The following RTN2 variants were observed in gnomAD, a reference collection of about 807,000 sequenced individuals.
The protein encoded by RTN2 is reticulon 2.
In RTN2, 36 loss-of-function variants were observed where a neutral mutation model predicts 63.7. The ratio of observed to expected loss-of-function variants is 0.56; its 90% CI spans 0.43 to 0.75. The LOEUF is 0.75. Ranked by LOEUF, RTN2 falls within the 30% of genes least tolerant of loss-of-function variation. The pLI, the probability that RTN2 is intolerant of heterozygous loss-of-function variation, is 0.00. For synonymous variants in RTN2, 312 were observed against 313.0 expected, an observed-to-expected ratio of 1.00 and a Z score of 0.03; for missense variants, 673 against 705.1, an observed-to-expected ratio of 0.95 and a Z score of 0.52.
At chr19:45,489,599 G>A in intron 5 of RTN2, 46 bp from the exon 6 acceptor site, 2 of 1,419,224 alleles carry the variant, frequency 1.4e-6, no homozygotes, top group African/African-American at 1.4e-5. Context: ...GACCTGGCTG[G>A]TCTCCTCACC....
chr19:45,493,012 A>C (rs1968193216), intron 5 of RTN2, 148 bp downstream of exon 5: 1 of 838,996 alleles, frequency 1.2e-6, no homozygotes, highest in Admixed American at 2.1e-5. Flanking sequence ...GGTCCTCCCT[A>C]TACTGCCCCT....
At position 45,488,893 on chromosome 19, in the gene RTN2, C is replaced by T; in HGVS notation, c.1335G>A (p.Gln445=). ...ITSRVVSAAT[Q]LRHFFLVEDL... is the part of the protein sequence containing the mutation. Reference sequence around the variant, plus strand: ...CTTCTACCAGGAAGAAGTGCCGCAGCTGCGTGGCCGCCGAGACCACGCGGG... The same window carrying T: ...CTTCTACCAGGAAGAAGTGCCGCAGTTGCGTGGCCGCCGAGACCACGCGGG... Residue 445 remains glutamine, a synonymous_variant, in exon 7 of 11, where the codon CAG becomes CAA. Coordinates refer to ENST00000245923, the MANE Select transcript of RTN2 (RefSeq NM_005619.5). 2.5e-6 allele frequency: 4 copies of T among 1,606,664 alleles called. No homozygotes were observed. The highest frequency in any genetic ancestry group is 3.4e-6 in the Non-Finnish European group (4 of 1,177,184).
chr19:45,496,995 C>CGCCGCCG lies in RTN2; in HGVS notation c.-171_-170insCGGCGGC. 2.3e-5 allele frequency: 7 copies of CGCCGCCG among 304,028 alleles called. No individual in the cohort carries two copies. The highest frequency in any genetic ancestry group is 2.3e-5 in the Non-Finnish European group (4 of 174,978). 18.8% of individuals were successfully genotyped at this position (304,028 alleles called of 1,614,324 possible). On this transcript the variant is annotated 5_prime_UTR_variant, in exon 1 of 11. Coordinates refer to ENST00000245923, the MANE Select transcript of RTN2 (RefSeq NM_005619.5). Reference sequence around the variant, plus strand: ...CCGCCGCCGCCGCCGCCGCCGCCGCCCTGGTGCTCGGCTCGGCGGGGGCGG... The same window carrying CGCCGCCG: ...CCGCCGCCGCCGCCGCCGCCGCCGCCGCCGCCGCTGGTGCTCGGCTCGGCGGGGGCGG...
chr19:45,488,649 G>C lies in RTN2; in HGVS notation c.1438C>G (p.Leu480Val). The C allele has an allele frequency of 6.2e-7, 1 of 1,613,962 alleles. No homozygotes were observed. ...FVGAIFNGLT[L>V]LILGVIGLFT... is the part of the protein sequence containing the mutation. ...CTTCCCAGCTCACCCAGAATGAGAA[G>C]AGTCAAACCATTGAAGATGGCACCC... Residue 480 changes from leucine (L) to valine (V), a missense_variant, in exon 8 of 11, where the codon CTT becomes GTT. By Grantham distance (32) the Leu-to-Val change is conservative. Coordinates refer to ENST00000245923, the MANE Select transcript of RTN2 (RefSeq NM_005619.5).
rs922734559 is a variant in RTN2, at chr19:45,494,642, C to A, written c.443G>T (p.Gly148Val). ...GGATCCCGTTCCCCGGGCCACCCAGCCCAGATGGTCCAACCGAAGCCTCAG... is the reference window on the plus strand; with the variant it reads ...GGATCCCGTTCCCCGGGCCACCCAGACCAGATGGTCCAACCGAAGCCTCAG... ...EDLRLRLDHLGWVARGTGSGE... is the reference protein window; with the variant it reads ...EDLRLRLDHLVWVARGTGSGE... Residue 148 changes from glycine (G) to valine (V), a missense_variant, in exon 3 of 11, where the codon GGC becomes GTC. By Grantham distance (109) the Gly-to-Val change is moderately radical (BLOSUM62 -3). Coordinates refer to ENST00000245923, the MANE Select transcript of RTN2 (RefSeq NM_005619.5). The surrounding 1 kb of genome is among the most constrained non-coding windows in gnomAD (Gnocchi z 5.3). 1.9e-6 allele frequency: 3 copies of A among 1,613,928 alleles called. No homozygotes were observed. The highest frequency in any genetic ancestry group is 3.3e-5 in the Admixed American group (2 of 60,028).
Position 45,494,854 on chromosome 19 carries a change from GC to G in RTN2, c.230del (p.Gly77AlafsTer39). ...GGCGGCGGGCAGTTGAATCCCTGCGGCCCCCGGAGCCCACTACACCATCAAA... is the reference window on the plus strand; with the variant it reads ...GGCGGCGGGCAGTTGAATCCCTGCGGCCCCGGAGCCCACTACACCATCAAA... Reference protein sequence around the residue: ...IAFDGVVGSGGRRDSTARRPR... With the variant: ...IAFDGVVGSGXRRDSTARRPR... On this transcript the variant is annotated frameshift_variant, in exon 3 of 11. Coordinates refer to ENST00000245923, the MANE Select transcript of RTN2 (RefSeq NM_005619.5). LOFTEE classifies it high-confidence loss of function. This position sits in a 1 kb window ranked among gnomAD's most constrained non-coding sequence, Gnocchi z 5.3. The G allele has an allele frequency of 1.2e-6, 2 of 1,605,216 alleles. No homozygotes were observed.
chr19:45,487,942 CAAA>C (rs1310199487), intron 9 of RTN2, among the ~76,000 whole-genome samples: 1 of 67,350 alleles, frequency 1.5e-5, no homozygotes, highest in Non-Finnish European at 2.8e-5. Context: ...GACTCCATCT[CAAA>C]AAAAAAAAAA....
chr19:45,494,773 G>T lies in RTN2; in HGVS notation c.312C>A (p.Ser104Arg). 1 of 1,606,992 alleles carries T rather than the reference G, an allele frequency of 6.2e-7. No individual in the cohort carries two copies. The highest frequency in any genetic ancestry group is 8.5e-7 in the Non-Finnish European group (1 of 1,179,916). Reference sequence around the variant, plus strand: ...GGATGCTCTCCAAGCTGTCGCCCAGGCTGGGCTGAGGGTGCTGGTCTCGTG... The same window carrying T: ...GGATGCTCTCCAAGCTGTCGCCCAGTCTGGGCTGAGGGTGCTGGTCTCGTG... ...SEPRDQHPQP[S>R]LGDSLESIPS... Residue 104 changes from serine (S) to arginine (R), a missense_variant, in exon 3 of 11, where the codon AGC becomes AGA. Physicochemically the swap from Ser to Arg is moderately radical, Grantham distance 110. Coordinates refer to ENST00000245923, the MANE Select transcript of RTN2 (RefSeq NM_005619.5). The surrounding 1 kb of genome is among the most constrained non-coding windows in gnomAD (Gnocchi z 5.3).
chr19:45,491,626 G>A (rs906651472), intron 5 of RTN2, among the ~76,000 whole-genome samples: 6 of 151,122 alleles, frequency 4.0e-5, no homozygotes, highest in African/African-American at 1.5e-4. Context: ...CTGCCTCCCG[G>A]GTTCACGCCA....
At chr19:45,488,740 C>T (rs1231479173) in intron 7 of RTN2, 34 bp from the exon 8 acceptor site, 47 of 1,608,120 alleles carry the variant, frequency 2.9e-5, no homozygotes, top group Non-Finnish European at 3.7e-5. Context: ...CAGAGCCCAC[C>T]GGGAATTCCC....
intron 4 of RTN2, chr19:45,493,895 G>T: frequency 2.3e-6 from 1 of 431,716 alleles, no homozygotes; most frequent in Non-Finnish European, 4.2e-6. Context: ...TCACCATGTT[G>T]GCCAGGCTGA....
chr19:45,489,366 C>G lies in RTN2; in HGVS notation c.1221G>C (p.Gly407=), dbSNP rs1212642174. ...CTCACTGGAAAGGGTTGGCTCCATCCCCCCGGTGCACGGCCTGCAGCACTT... is the reference window on the plus strand; with the variant it reads ...CTCACTGGAAAGGGTTGGCTCCATCGCCCCGGTGCACGGCCTGCAGCACTT... The part of the protein sequence containing the change: ...YRKVLQAVHR[G]DGANPFQAYL... Residue 407 remains glycine, a synonymous_variant, in exon 6 of 11, where the codon GGG becomes GGC. Transcript: ENST00000245923. The G allele has an allele frequency of 6.4e-7, 1 of 1,571,098 alleles. No individual in the cohort carries two copies. The highest frequency in any genetic ancestry group is 1.4e-5 in the African/African-American group (1 of 73,984).
intron 1 of RTN2, among the ~76,000 whole-genome samples, chr19:45,495,541 T>A (rs1968252862): frequency 6.6e-6 from 1 of 152,130 alleles, no homozygotes; most frequent in Non-Finnish European, 1.5e-5. Context: ...CGGGTGCAGA[T>A]GAGCATAGGG....
At chr19:45,489,619 C>T in intron 5 of RTN2, 66 bp from the exon 6 acceptor site, 1 of 1,160,854 alleles carries the variant, frequency 8.6e-7, no homozygotes, top group Non-Finnish European at 1.3e-6. Flanking sequence ...CTCCCTTTCC[C>T]TGTCCTACAG....
At chr19:45,489,033 A>C in intron 6 of RTN2, 47 bp from the exon 7 acceptor site, 2 of 1,592,214 alleles carry the variant, frequency 1.3e-6, no homozygotes, top group Non-Finnish European at 1.7e-6. Flanking sequence ...TGACCAGCTC[A>C]GACTGGTGCA....
At chr19:45,488,561 G>C (rs374556254) in intron 8 of RTN2, 44 bp from the exon 9 acceptor site, 75 of 1,613,546 alleles carry the variant, frequency 4.6e-5, no homozygotes, top group Non-Finnish European at 5.7e-5. Context: ...CCCAAGAGAT[G>C]AACAGTTCCA....
intron 5 of RTN2, 42 bp from the exon 6 acceptor site, chr19:45,489,595 G>C (rs746754116): frequency 1.0e-4 from 144 of 1,439,882 alleles, no homozygotes; most frequent in Non-Finnish European, 1.3e-4. Context: ...ACCTGACCTG[G>C]CTGGTCTCCT....
chr19:45,488,789 C>A (rs1968085087), intron 7 of RTN2, 59 bp downstream of exon 7: 4 of 1,593,698 alleles, frequency 2.5e-6, no homozygotes, highest in Non-Finnish European at 2.6e-6. Flanking sequence ...GCCCTCCCAC[C>A]CCCTAGCCAT....
At position 45,494,062 on chromosome 19, in the gene RTN2, T is replaced by G. The variant is rs1403815300; in HGVS notation, c.814+104A>C. The G allele has an allele frequency of 6.1e-6, 9 of 1,471,892 alleles. No individual in the cohort carries two copies. The highest frequency in any genetic ancestry group is 6.4e-6 in the Non-Finnish European group (7 of 1,096,946). 91.2% of individuals were successfully genotyped at this position (1,471,892 alleles called of 1,614,324 possible). A position where few individuals can be genotyped will look rare whatever the true frequency, so the allele number is the denominator to read the frequency against. The stretch of plus-strand genomic sequence containing the variant: ...GATATCACGTCTATCTCTTCCCTTT[T>G]CCACTATGTACTGTTCCTTTGCGAG... On this transcript the variant is annotated intron_variant, in intron 4 of 10. Transcript: ENST00000245923. This position sits in a 1 kb window ranked among gnomAD's most constrained non-coding sequence, Gnocchi z 5.3.
Sources: gnomAD v4.1 joint callset for allele counts (sites outside exome capture counted in the v4.1 genomes callset) on GRCh38, gnomAD v4.1.1 for gene constraint, Gnocchi (gnomAD v3.1) non-coding constraint, MANE v1.5 for transcripts, NCBI Gene and HGNC (gene_info 2026-07-23, HGNC 2026-07-21) for gene names.